The following FAF1 variants were observed in gnomAD, a reference collection of about 807,000 sequenced individuals.
FAF1 encodes the protein Fas associated factor 1.
In FAF1, 25 loss-of-function variants were observed where a neutral mutation model predicts 92.5. The observed-to-expected ratio is 0.27, with a 90% CI of 0.20 to 0.38. FAF1 has a LOEUF of 0.38. Ranked by LOEUF, FAF1 falls within the 10% of genes least tolerant of loss-of-function variation. The pLI, the probability that FAF1 is intolerant of heterozygous loss-of-function variation, is 1.00. For missense variants in FAF1, 636 were observed against 793.3 expected, an observed-to-expected ratio of 0.80 and a Z score of 2.38; for synonymous variants, 234 against 273.2, an observed-to-expected ratio of 0.86 and a Z score of 1.42.
At chr1:50,691,082 T>C (rs1656901078) in intron 7 of FAF1, among the ~76,000 whole-genome samples, 1 of 152,244 alleles carries the variant, frequency 6.6e-6, no homozygotes, top group South Asian at 2.1e-4. Context: ...TCTTGTTACA[T>C]ATCTAGGAGT....
At chr1:50,882,642 A>G (rs1411285673) in intron 1 of FAF1, among the ~76,000 whole-genome samples, 1 of 138,308 alleles carries the variant, frequency 7.2e-6, no homozygotes, top group Non-Finnish European at 1.6e-5. Context: ...ATAAATAAAT[A>G]AATAAATGTG....
At chr1:50,694,805 A>G (rs1053134835) in intron 7 of FAF1, among the ~76,000 whole-genome samples, 5 of 150,398 alleles carry the variant, frequency 3.3e-5, no homozygotes, top group Non-Finnish European at 7.4e-5. Context: ...AAAAAAAAAA[A>G]AAAAAAAATT....
At chr1:50,487,277 T>C (rs1251379575) in intron 17 of FAF1, among the ~76,000 whole-genome samples, 1 of 152,194 alleles carries the variant, frequency 6.6e-6, no homozygotes, top group African/African-American at 2.4e-5. Context: ...ACTATCATAT[T>C]TTCCTTTGTT....
At chr1:50,774,804 A>T (rs1378819031) in intron 4 of FAF1, among the ~76,000 whole-genome samples, 1 of 152,152 alleles carries the variant, frequency 6.6e-6, no homozygotes, top group Admixed American at 6.5e-5. Flanking sequence ...ACAATACTTC[A>T]CATCAGACAC....
intron 18 of FAF1, among the ~76,000 whole-genome samples, chr1:50,455,321 A>G (rs936781290): frequency 1.3e-4 from 20 of 152,254 alleles, no homozygotes; most frequent in Admixed American, 8.5e-4. Context: ...AACATTTTCA[A>G]TGCATTTGAA....
intron 12 of FAF1, among the ~76,000 whole-genome samples, chr1:50,569,695 C>T (rs1650340787): frequency 1.3e-5 from 2 of 152,052 alleles, no homozygotes; most frequent in African/African-American, 4.8e-5. Flanking sequence ...CTTTAAAATG[C>T]CTATTTCTCT....
At chr1:50,934,549 C>T (rs774454734) in intron 1 of FAF1, among the ~76,000 whole-genome samples, 23 of 152,010 alleles carry the variant, frequency 1.5e-4, no homozygotes, top group Admixed American at 4.6e-4. Flanking sequence ...AAAGTGAGAC[C>T]CCGTCTCTAC....
Position 50,475,531 on chromosome 1 carries a change from T to C in FAF1, c.1802A>G (p.Asp601Gly). The change falls in exon 18 of 19, where the codon GAT (aspartate) becomes GGT (glycine). Residue 601 changes from aspartate (D) to glycine (G), a missense_variant. Around this residue, in one of 2 missense-constraint regions of FAF1, gnomAD observed 319 missense variants for 451.0 expected, o/e 0.71. Coordinates refer to ENST00000396153, the MANE Select transcript of FAF1 (RefSeq NM_007051.3). ...TGGAAATCCTTTGGAAGCTACAAAA[T>C]CAAAGACAATCTGGAGCTTGTTGCT... ...LASNKLQIVF[D>G]FVASKGFPWD... The C allele has an allele frequency of 6.2e-7, 1 of 1,614,094 alleles. No homozygotes were observed. Among genetic ancestry groups the C allele is most frequent in the Non-Finnish European group, 8.5e-7 (1 of 1,179,990 alleles).
intron 13 of FAF1, among the ~76,000 whole-genome samples, chr1:50,557,709 G>A (rs1361907990): frequency 6.6e-6 from 1 of 151,978 alleles, no homozygotes; most frequent in African/African-American, 2.4e-5. Flanking sequence ...TTATAGAAGA[G>A]GAGAAATGTG....
At chr1:50,611,158 TTG>T (rs779171467) in intron 8 of FAF1, among the ~76,000 whole-genome samples, 6 of 152,224 alleles carry the variant, frequency 3.9e-5, no homozygotes, top group Non-Finnish European at 8.8e-5. Context: ...TTGATTCACT[TTG>T]TTAATTCTTT....
chr1:50,942,625 G>T (rs143452712), intron 1 of FAF1, among the ~76,000 whole-genome samples: 1 of 152,280 alleles, frequency 6.6e-6, no homozygotes, highest in East Asian at 1.9e-4. Flanking sequence ...CTACTTACTG[G>T]CAAGCTAACA....
At chr1:50,802,386 G>A (rs928282025) in intron 2 of FAF1, among the ~76,000 whole-genome samples, 25 of 152,048 alleles carry the variant, frequency 1.6e-4, no homozygotes, top group African/African-American at 5.1e-4. Context: ...CACCGCGCCC[G>A]GCCATTATAT....
chr1:50,799,305 C>T (rs901389347), intron 3 of FAF1, among the ~76,000 whole-genome samples: 1 of 152,142 alleles, frequency 6.6e-6, no homozygotes, highest in African/African-American at 2.4e-5. Flanking sequence ...AAAATGTAAA[C>T]ATTTACCTCT....
intron 8 of FAF1, among the ~76,000 whole-genome samples, chr1:50,637,273 TAAA>T (rs1172030649): frequency 9.3e-5 from 9 of 97,226 alleles, no homozygotes; most frequent in South Asian, 3.8e-4. Context: ...CCATTTCTAC[TAAA>T]AAAAAAAAAA....
chr1:50,768,081 A>T (rs1285005963), intron 4 of FAF1, among the ~76,000 whole-genome samples: 1 of 152,200 alleles, frequency 6.6e-6, no homozygotes, highest in East Asian at 1.9e-4. Flanking sequence ...CCCACTGGCT[A>T]AAAGTAAAGG....
intron 1 of FAF1, among the ~76,000 whole-genome samples, chr1:50,890,640 T>C (rs1644711412): frequency 1.3e-5 from 2 of 152,230 alleles, no homozygotes; most frequent in South Asian, 4.1e-4. Flanking sequence ...TGGCTGGATA[T>C]GAAATTCTGG....
intron 5 of FAF1, among the ~76,000 whole-genome samples, chr1:50,741,660 G>A (rs1238330264): frequency 2.0e-5 from 3 of 152,188 alleles, no homozygotes; most frequent in Non-Finnish European, 4.4e-5. Flanking sequence ...ATACTAAAAA[G>A]TGGCCATGGT....
chr1:50,834,901 T>C (rs1644186645), intron 2 of FAF1, among the ~76,000 whole-genome samples: 1 of 152,182 alleles, frequency 6.6e-6, no homozygotes. Flanking sequence ...AAATACCTAA[T>C]ACAGCCAGTG....
rs567790484 is a variant in FAF1, at chr1:50,550,570, G to A, written c.1269-10842C>T. Among the ~76,000 whole-genome samples, 5 of 152,262 alleles carry A rather than the reference G, an allele frequency of 3.3e-5. No homozygotes were observed. The East Asian group carries it at 9.6e-4, about 29-fold the overall frequency. On this transcript the variant is annotated intron_variant, in intron 13 of 18. Transcript: ENST00000396153. The stretch of plus-strand genomic sequence containing the variant: ...AAAGAGCTGAATAGACAGGTTGACT[G>A]TGTAGGCTCTTCCTCTAAACTTTAT...
Sources: allele counts gnomAD v4.1 joint callset (sites outside exome capture counted in the v4.1 genomes callset), GRCh38; gene constraint gnomAD v4.1.1; regional missense constraint gnomAD v4.1.1; transcripts MANE v1.5; gene names NCBI Gene and HGNC (gene_info 2026-07-23, HGNC 2026-07-21).